The following HS2ST1 variants were observed in gnomAD, a reference collection of about 807,000 sequenced individuals.
HS2ST1 encodes the protein heparan sulfate 2-O-sulfotransferase 1.
In HS2ST1, 18 loss-of-function variants were observed where a neutral mutation model predicts 42.9. The ratio of observed to expected loss-of-function variants is 0.42; its 90% CI spans 0.29 to 0.62. The LOEUF is 0.62. Ranked by LOEUF, HS2ST1 falls within the 20% of genes least tolerant of loss-of-function variation. The probability of loss-of-function intolerance (pLI) is 0.21; values close to 1 mark genes in which losing one functional copy is unlikely to be tolerated. For missense variants in HS2ST1, 334 were observed against 433.8 expected (o/e 0.77, Z 2.04); for synonymous variants, 146 against 152.9 (o/e 0.95, Z 0.33).
intron 1 of HS2ST1, among the ~76,000 whole-genome samples, chr1:87,041,283 G>T (rs995712157): frequency 1.4e-4 from 21 of 145,218 alleles, no homozygotes; most frequent in Admixed American, 4.8e-4. Context: ...AGCTACTCCA[G>T]AGGATGAGGT....
chr1:87,040,056 T>A (rs922424457), intron 1 of HS2ST1, among the ~76,000 whole-genome samples: 1 of 152,180 alleles, frequency 6.6e-6, no homozygotes, highest in South Asian at 2.1e-4. Flanking sequence ...TAGTTTCCTT[T>A]TAATAGATCC....
intron 4 of HS2ST1, 98 bp downstream of exon 4, chr1:87,092,767 C>A: frequency 2.6e-6 from 2 of 757,370 alleles, no homozygotes; most frequent in South Asian, 4.3e-5. Flanking sequence ...AAATTTATTA[C>A]TTGCTTATTG....
intron 1 of HS2ST1, among the ~76,000 whole-genome samples, chr1:86,936,097 C>G (rs942985563): frequency 7.8e-6 from 1 of 127,498 alleles, no homozygotes; most frequent in African/African-American, 3.3e-5. Context: ...TTCTCTCTGT[C>G]TCTTTGCCTC....
rs537559473 is a variant in HS2ST1 at position 87,033,537 on chromosome 1, T to G, written c.125-39397T>G. On this transcript the variant is annotated intron_variant, in intron 1 of 6. Transcript: ENST00000370550. ...AATTTTTAAAGTAGTGTTTTTTTGTTTTTTTGTTTGTTTGTTTGTTTTTTA... is the reference window on the plus strand; with the variant it reads ...AATTTTTAAAGTAGTGTTTTTTTGTGTTTTTGTTTGTTTGTTTGTTTTTTA... Among the ~76,000 whole-genome samples the G allele has an allele frequency of 5.0e-4, 75 of 148,982 alleles. 2 individuals are homozygous for G. In the South Asian group the frequency reaches 0.015, roughly 30 times the overall value.
intron 1 of HS2ST1, among the ~76,000 whole-genome samples, chr1:86,994,300 C>G (rs528042788): frequency 2.4e-4 from 37 of 152,216 alleles, no homozygotes; most frequent in African/African-American, 8.9e-4. Context: ...AGATAATGTT[C>G]CACAGATAAT....
chr1:87,079,781 T>TA (rs1306631025), intron 2 of HS2ST1, among the ~76,000 whole-genome samples: 1 of 151,482 alleles, frequency 6.6e-6, no homozygotes, highest in Non-Finnish European at 1.5e-5. Flanking sequence ...CTCAGGCCTG[T>TA]GAGCACTTTG....
chr1:86,978,250 C>T (rs1343123329), intron 1 of HS2ST1, among the ~76,000 whole-genome samples: 4 of 152,166 alleles, frequency 2.6e-5, no homozygotes, highest in African/African-American at 9.7e-5. Context: ...AGATGCATAA[C>T]TGTACACATA....
chr1:87,077,654 GGAACCTTGTC>G (rs1219379381), intron 2 of HS2ST1, among the ~76,000 whole-genome samples: 1 of 152,136 alleles, frequency 6.6e-6, no homozygotes, highest in East Asian at 1.9e-4. Context: ...TTTAAGGATA[GGAACCTTGTC>G]TGTCTTGTTC....
At chr1:87,089,617 C>G (rs560508803) in intron 3 of HS2ST1, among the ~76,000 whole-genome samples, 1 of 152,036 alleles carries the variant, frequency 6.6e-6, no homozygotes, top group Admixed American at 6.6e-5. Context: ...GCTGTGTGGT[C>G]CAGTTGCTAT....
chr1:87,082,501 G>T (rs1322809688), intron 2 of HS2ST1, among the ~76,000 whole-genome samples: 2 of 152,120 alleles, frequency 1.3e-5, no homozygotes, highest in East Asian at 3.8e-4. Context: ...GAAAACAGAG[G>T]TGAGTTGCTA....
chr1:87,071,105 A>G (rs915628402), intron 1 of HS2ST1, among the ~76,000 whole-genome samples: 2 of 152,176 alleles, frequency 1.3e-5, no homozygotes, highest in African/African-American at 4.8e-5. Flanking sequence ...ACATACGTAT[A>G]TCTCTCATAT....
rs552853005 is a variant in HS2ST1 at position 87,013,691 on chromosome 1, T to G, written c.125-59243T>G. Among the ~76,000 whole-genome samples, 139 of 152,366 alleles carry G rather than the reference T, an allele frequency of 9.1e-4. 1 individual carries two copies. The highest frequency in any genetic ancestry group is 3.2e-3 in the African/African-American group (132 of 41,592). ...TTGCATTGTCAGGCTGCTGATTTTC[T>G]GAACTTTTATGCTCTGCTGCTTTTT... On this transcript the variant is annotated intron_variant, in intron 1 of 6. Transcript: ENST00000370550.
intron 1 of HS2ST1, among the ~76,000 whole-genome samples, chr1:86,994,416 T>C (rs1478705675): frequency 6.6e-6 from 1 of 152,148 alleles, no homozygotes; most frequent in Admixed American, 6.6e-5. Flanking sequence ...GCAACAAAAT[T>C]CCTTGGCTTT....
intron 1 of HS2ST1, among the ~76,000 whole-genome samples, chr1:86,935,081 G>T (rs80331951): frequency 6.6e-6 from 1 of 151,578 alleles, no homozygotes; most frequent in Non-Finnish European, 1.5e-5. Context: ...TGACTGTTTC[G>T]TTCTTTAGTC....
At chr1:87,083,333 G>C (rs984336576) in intron 2 of HS2ST1, among the ~76,000 whole-genome samples, 3 of 152,150 alleles carry the variant, frequency 2.0e-5, no homozygotes, top group Non-Finnish European at 4.4e-5. Context: ...GATGGTTTCG[G>C]TGCGGTACAG....
chr1:86,945,199 G>A (rs1017088535), intron 1 of HS2ST1, among the ~76,000 whole-genome samples: 1 of 152,272 alleles, frequency 6.6e-6, no homozygotes, highest in East Asian at 1.9e-4. Flanking sequence ...TTCATGCAGA[G>A]AGGATGGCAT....
intron 1 of HS2ST1, among the ~76,000 whole-genome samples, chr1:86,976,703 T>C (rs1249735485): frequency 8.5e-6 from 1 of 117,136 alleles, no homozygotes; most frequent in South Asian, 2.8e-4. Flanking sequence ...TTTATAAAAT[T>C]GTATATATAT....
chr1:87,091,722 A>C (rs908073264), intron 3 of HS2ST1, among the ~76,000 whole-genome samples: 1 of 152,086 alleles, frequency 6.6e-6, no homozygotes, highest in African/African-American at 2.4e-5. Context: ...ATGAAGAATA[A>C]TGGAAAAGTA....
chr1:86,963,209 G>A (rs1349490106), intron 1 of HS2ST1, among the ~76,000 whole-genome samples: 3 of 151,570 alleles, frequency 2.0e-5, no homozygotes, highest in Admixed American at 6.6e-5. Context: ...TCTCGCATAG[G>A]GGGATTTGGC....
Sources: allele counts gnomAD v4.1 joint callset (sites outside exome capture counted in the v4.1 genomes callset), GRCh38; gene constraint gnomAD v4.1.1; transcripts MANE v1.5; gene names NCBI Gene and HGNC (gene_info 2026-07-23, HGNC 2026-07-21).